The following PIK3C2G variants were observed in gnomAD, a reference collection of about 807,000 sequenced individuals.
PIK3C2G encodes phosphatidylinositol-4-phosphate 3-kinase catalytic subunit type 2 gamma.
Under a neutral mutation model 181.1 loss-of-function variants are expected in PIK3C2G, and 168 were observed. That is an observed-to-expected ratio of 0.93 (90% confidence interval 0.82 to 1.05). PIK3C2G has a LOEUF of 1.05. PIK3C2G is among the 50% of genes least tolerant of loss of function. The pLI is 0.00. For synonymous variants in PIK3C2G, 573 were observed against 592.2 expected, an observed-to-expected ratio of 0.97 and a Z score of 0.47; for missense variants, 1,869 against 1,732.8, an observed-to-expected ratio of 1.08 and a Z score of -1.40.
intron 25 of PIK3C2G, among the ~76,000 whole-genome samples, chr12:18,541,078 G>A (rs1029110689): frequency 6.6e-6 from 1 of 151,836 alleles, no homozygotes; most frequent in African/African-American, 2.4e-5. Context: ...GTCTCAACCC[G>A]ACTCTTTTAT....
intron 7 of PIK3C2G, among the ~76,000 whole-genome samples, chr12:18,323,069 A>G (rs561043560): frequency 1.4e-4 from 22 of 152,174 alleles, no homozygotes; most frequent in South Asian, 2.1e-4. Flanking sequence ...CCTGGGGCAC[A>G]GAGAGGCAAG....
intron 18 of PIK3C2G, among the ~76,000 whole-genome samples, chr12:18,452,512 A>C (rs1470754441): frequency 6.6e-6 from 1 of 151,828 alleles, no homozygotes. Context: ...TTTAAAAAAA[A>C]ACAGCTTCTA....
chr12:18,609,470 T>A (rs1948223201), intron 30 of PIK3C2G, 65 bp from the exon 31 acceptor site: 1 of 866,072 alleles, frequency 1.2e-6, no homozygotes. Flanking sequence ...AGTTTTTAAA[T>A]GTTTGATTGT....
At chr12:18,719,790 A>C in the PIK3C2G span, among the ~76,000 whole-genome samples, 1 of 152,152 alleles carries the variant, frequency 6.6e-6, no homozygotes, top group Admixed American at 6.6e-5. Context: ...GTTTGGAAAC[A>C]AATTTTTGTA....
intron 29 of PIK3C2G, among the ~76,000 whole-genome samples, chr12:18,580,318 C>T (rs1168929575): frequency 6.6e-6 from 1 of 152,136 alleles, no homozygotes; most frequent in Non-Finnish European, 1.5e-5. Flanking sequence ...TACTGTTGTT[C>T]ATTACCAGAA....
At chr12:18,649,548 C>A (rs769557375), downstream of PIK3C2G, among the ~76,000 whole-genome samples, 6 of 152,112 alleles carry the variant, frequency 3.9e-5, no homozygotes, top group Non-Finnish European at 8.8e-5. Context: ...ATTGCTGACC[C>A]ACTACCCTGC....
the PIK3C2G span, among the ~76,000 whole-genome samples, chr12:18,696,433 T>A: frequency 5.4e-5 from 8 of 149,228 alleles, no homozygotes; most frequent in African/African-American, 2.0e-4. Flanking sequence ...TCAAAATAAA[T>A]CCATGCCTTT....
intron 31 of PIK3C2G, among the ~76,000 whole-genome samples, chr12:18,628,303 G>T (rs184065338): frequency 4.8e-4 from 73 of 152,220 alleles, no homozygotes; most frequent in African/African-American, 1.7e-3. Flanking sequence ...CTGAAGAGTT[G>T]CTGGCATACC....
At chr12:18,456,118 T>C (rs1241225819) in intron 18 of PIK3C2G, among the ~76,000 whole-genome samples, 2 of 152,196 alleles carry the variant, frequency 1.3e-5, no homozygotes, top group African/African-American at 4.8e-5. Context: ...CAATTGTTTA[T>C]CTGTTAGTTT....
At chr12:18,350,119 CA>C (rs1172592897) in intron 11 of PIK3C2G, among the ~76,000 whole-genome samples, 5 of 152,110 alleles carry the variant, frequency 3.3e-5, no homozygotes, top group African/African-American at 4.8e-5. Flanking sequence ...AATAGAGGTA[CA>C]AAGCTAAGTG....
chr12:18,315,497 GGTA>G (rs1385014726), intron 6 of PIK3C2G, among the ~76,000 whole-genome samples: 1 of 151,928 alleles, frequency 6.6e-6, no homozygotes, highest in Non-Finnish European at 1.5e-5. Flanking sequence ...ATAACTTATC[GGTA>G]GTAATTAACA....
At position 18,559,776 on chromosome 12, in the gene PIK3C2G, TTATATATATATATATATA is replaced by T. The variant is rs369459549; in HGVS notation, c.3591-2898_3591-2881del. 4.7e-3 allele frequency among the ~76,000 whole-genome samples: 200 copies of T among 42,696 alleles called. 3 individuals are homozygous for T. Among genetic ancestry groups the T allele is most frequent in the African/African-American group, 9.5e-3 (92 of 9,646 alleles). 28.0% of individuals were successfully genotyped at this position (42,696 alleles called of 152,430 possible). A position where few individuals can be genotyped will look rare whatever the true frequency, so the allele number is the denominator to read the frequency against. ...ATATCTCAGAATGTATTGTATGAAATTATATATATATATATATATATATATATATATATATATATATAT... is the reference window on the plus strand; with the variant it reads ...ATATCTCAGAATGTATTGTATGAAATTATATATATATATATATATATATAT... On this transcript the variant is annotated intron_variant, in intron 26 of 32. Transcript: ENST00000538779.
intron 29 of PIK3C2G, among the ~76,000 whole-genome samples, chr12:18,583,785 G>T (rs1946627761): frequency 6.6e-6 from 1 of 151,414 alleles, no homozygotes; most frequent in Non-Finnish European, 1.5e-5. Context: ...AAAAAAAAAT[G>T]CAGGAGCTCC....
chr12:18,284,035 G>A (rs1949336442), intron 2 of PIK3C2G, among the ~76,000 whole-genome samples: 3 of 152,050 alleles, frequency 2.0e-5, no homozygotes. Flanking sequence ...GCTGTGATTT[G>A]ACAAGCAGAG....
At chr12:18,589,003 T>A (rs1011643507) in intron 29 of PIK3C2G, among the ~76,000 whole-genome samples, 67 of 151,904 alleles carry the variant, frequency 4.4e-4, no homozygotes, top group African/African-American at 1.4e-3. Context: ...AGAAAACCAA[T>A]TACCAAATGT....
intron 16 of PIK3C2G, among the ~76,000 whole-genome samples, chr12:18,410,817 A>C (rs928450583): frequency 6.6e-6 from 1 of 152,214 alleles, no homozygotes; most frequent in Non-Finnish European, 1.5e-5. Flanking sequence ...CATAATATCT[A>C]CATGGTGCTT....
At chr12:18,399,209 A>AT (rs1383645702) in intron 15 of PIK3C2G, among the ~76,000 whole-genome samples, 32 of 150,584 alleles carry the variant, frequency 2.1e-4, no homozygotes, top group African/African-American at 7.1e-4. Context: ...AAAAAAAAAA[A>AT]ATATGCCATT....
At chr12:18,619,083 A>G (rs1327076783) in intron 31 of PIK3C2G, among the ~76,000 whole-genome samples, 1 of 150,806 alleles carries the variant, frequency 6.6e-6, no homozygotes, top group Non-Finnish European at 1.5e-5. Context: ...ATTTAATTAT[A>G]TTATATATTA....
At chr12:18,545,003 A>G (rs1944348797) in intron 25 of PIK3C2G, among the ~76,000 whole-genome samples, 1 of 151,784 alleles carries the variant, frequency 6.6e-6, no homozygotes, top group Admixed American at 6.6e-5. Context: ...TCCATACATA[A>G]CCACAATGAT....
Sources: allele counts gnomAD v4.1 joint callset (sites outside exome capture counted in the v4.1 genomes callset), GRCh38; gene constraint gnomAD v4.1.1; transcripts MANE v1.5; gene names NCBI Gene and HGNC (gene_info 2026-07-23, HGNC 2026-07-21).